TMEM135: variants seen among roughly 807,000 people sequenced by gnomAD.
TMEM135 encodes the protein peroxisomal membrane protein 52.
TMEM135 carries 30 observed loss-of-function variants against 60.3 expected under a neutral mutation model. That is an observed-to-expected ratio of 0.50 (90% CI 0.37 to 0.68). The LOEUF (loss-of-function observed/expected upper bound fraction) is 0.68, where lower values mean the gene tolerates loss of function less well. Ranked by LOEUF, TMEM135 falls within the 30% of genes least tolerant of loss-of-function variation. TMEM135 has a pLI of 0.00. For missense variants in TMEM135, 468 were observed against 548.8 expected (o/e 0.85, Z 1.47); for synonymous variants, 190 against 186.7 (o/e 1.02, Z -0.14).
At chr11:87,293,329 A>C (rs1408185902) in intron 6 of TMEM135, among the ~76,000 whole-genome samples, 1 of 152,182 alleles carries the variant, frequency 6.6e-6, no homozygotes, top group Non-Finnish European at 1.5e-5. Flanking sequence ...CACTGTTAAC[A>C]TGACTAGAAA....
chr11:87,206,504 G>GA (rs992360790), intron 5 of TMEM135, among the ~76,000 whole-genome samples: 9 of 151,702 alleles, frequency 5.9e-5, no homozygotes, highest in African/African-American at 1.4e-4. Flanking sequence ...AACATATATT[G>GA]AAAAAAACAG....
chr11:87,117,776 A>G (rs1857929346), intron 4 of TMEM135, among the ~76,000 whole-genome samples: 1 of 152,134 alleles, frequency 6.6e-6, no homozygotes, highest in South Asian at 2.1e-4. Flanking sequence ...TGATATTTAG[A>G]CCACCTCCCA....
intron 4 of TMEM135, among the ~76,000 whole-genome samples, chr11:87,123,958 C>CT (rs769390139): frequency 5.3e-5 from 8 of 152,280 alleles, no homozygotes; most frequent in African/African-American, 1.9e-4. Flanking sequence ...AACAGTGACT[C>CT]TAAGATTTGA....
intron 1 of TMEM135, among the ~76,000 whole-genome samples, chr11:87,041,230 A>G (rs1419521556): frequency 6.6e-6 from 1 of 151,996 alleles, no homozygotes; most frequent in African/African-American, 2.4e-5. Flanking sequence ...TAGAGACATT[A>G]AGTGATTCAC....
chr11:87,106,287 A>G (rs1857595326), intron 4 of TMEM135, among the ~76,000 whole-genome samples: 1 of 152,158 alleles, frequency 6.6e-6, no homozygotes, highest in Middle Eastern at 3.4e-3. Flanking sequence ...TATTTTTAGT[A>G]GAGATGGGGT....
chr11:87,075,053 C>CCTTA (rs1856842219), intron 3 of TMEM135, among the ~76,000 whole-genome samples: 1 of 152,106 alleles, frequency 6.6e-6, no homozygotes, highest in African/African-American at 2.4e-5. Context: ...GATCCTCTTG[C>CCTTA]CTTAACACCA....
intron 4 of TMEM135, among the ~76,000 whole-genome samples, chr11:87,100,574 T>C (rs1857435700): frequency 6.6e-6 from 1 of 152,178 alleles, no homozygotes; most frequent in African/African-American, 2.4e-5. Context: ...TTGGTATGTG[T>C]TTCTGATTTG....
At chr11:87,296,264 A>G (rs1387777111) in intron 7 of TMEM135, among the ~76,000 whole-genome samples, 2 of 152,214 alleles carry the variant, frequency 1.3e-5, no homozygotes, top group South Asian at 2.1e-4. Context: ...ATCTTTTAGC[A>G]TAGCAATTGG....
chr11:87,273,740 T>C (rs1409572424), intron 6 of TMEM135, among the ~76,000 whole-genome samples: 1 of 152,210 alleles, frequency 6.6e-6, no homozygotes, highest in Non-Finnish European at 1.5e-5. Flanking sequence ...AATTGATATA[T>C]TACTTTATAT....
rs1166683078 is a variant in TMEM135 at position 87,080,977 on chromosome 11, C to T, written c.362+9362C>T. Reference sequence around the variant, plus strand: ...CTGGGATTACAGGCATGAGCCACCGCGCCTGGCCTATTTTTATTTGATATT... The same window carrying T: ...CTGGGATTACAGGCATGAGCCACCGTGCCTGGCCTATTTTTATTTGATATT... On this transcript the variant is annotated intron_variant, in intron 3 of 14. Transcript: ENST00000305494. Among the ~76,000 whole-genome samples the T allele has an allele frequency of 3.9e-5, 6 of 152,196 alleles. No homozygotes were observed. In the East Asian group the frequency reaches 5.8e-4, roughly 15 times the overall value.
intron 9 of TMEM135, 70 bp from the exon 10 acceptor site, chr11:87,309,435 T>A: frequency 6.5e-7 from 1 of 1,528,142 alleles, no homozygotes; most frequent in South Asian, 1.1e-5. Flanking sequence ...TTTGAGATGG[T>A]AAAATTCGTA....
At chr11:87,232,109 A>C (rs1032314626) in intron 5 of TMEM135, among the ~76,000 whole-genome samples, 5 of 151,898 alleles carry the variant, frequency 3.3e-5, no homozygotes, top group Admixed American at 1.3e-4. Context: ...CACCATTATG[A>C]CTGACTAATT....
chr11:87,203,588 C>T (rs1410372569), intron 5 of TMEM135, among the ~76,000 whole-genome samples: 1 of 152,030 alleles, frequency 6.6e-6, no homozygotes, highest in African/African-American at 2.4e-5. Context: ...TCTGGATGTA[C>T]CAGTTTATTT....
At position 87,199,684 on chromosome 11, in the gene TMEM135, C is replaced by T. The variant is rs550074265; in HGVS notation, c.463-36954C>T. On this transcript the variant is annotated intron_variant, in intron 5 of 14. Transcript: ENST00000305494. ...GTGGCTCATGCCTGTAATCCCAGCACTTTGGGAGGCCGAGGCAGGCGTATC... is the reference window on the plus strand; with the variant it reads ...GTGGCTCATGCCTGTAATCCCAGCATTTTGGGAGGCCGAGGCAGGCGTATC... Among the ~76,000 whole-genome samples, 9 of 152,212 alleles carry T rather than the reference C, an allele frequency of 5.9e-5. 1 individual carries two copies. The South Asian group carries it at 1.9e-3, about 32-fold the overall frequency.
chr11:87,248,313 C>A (rs1173346315), intron 6 of TMEM135, among the ~76,000 whole-genome samples: 1 of 152,138 alleles, frequency 6.6e-6, no homozygotes, highest in African/African-American at 2.4e-5. Context: ...TTTACATTGC[C>A]ACCAACAGTG....
chr11:87,083,084 A>G (rs959090662), intron 3 of TMEM135, among the ~76,000 whole-genome samples: 1 of 152,014 alleles, frequency 6.6e-6, no homozygotes. Context: ...CCATTCATCA[A>G]TTACCCCCTC....
chr11:87,298,106 C>T (rs952924835), intron 7 of TMEM135, among the ~76,000 whole-genome samples: 1 of 152,156 alleles, frequency 6.6e-6, no homozygotes, highest in African/African-American at 2.4e-5. Context: ...TCTTTGCAGT[C>T]CTGGCGGTCG....
intron 5 of TMEM135, among the ~76,000 whole-genome samples, chr11:87,174,996 A>G (rs534989269): frequency 2.6e-5 from 4 of 152,308 alleles, no homozygotes; most frequent in African/African-American, 9.6e-5. Context: ...TCAGGGTGAT[A>G]AAGCATTAAA....
chr11:87,222,789 G>A (rs981866968), intron 5 of TMEM135, among the ~76,000 whole-genome samples: 2 of 151,240 alleles, frequency 1.3e-5, no homozygotes, highest in South Asian at 2.1e-4. Context: ...TGGGCAATAA[G>A]AGCGAAACTG....
Sources: gnomAD v4.1 joint callset for allele counts (sites outside exome capture counted in the v4.1 genomes callset) on GRCh38, gnomAD v4.1.1 for gene constraint, MANE v1.5 for transcripts, NCBI Gene and HGNC (gene_info 2026-07-23, HGNC 2026-07-21) for gene names.